Variants in CALU observed in about 807,000 individuals in gnomAD.
CALU encodes IEF SSP 9302.
A neutral mutation model predicts 37.5 loss-of-function variants in CALU; 13 were observed. That is an observed-to-expected ratio of 0.35 (90% CI 0.23 to 0.55). The LOEUF is 0.55. Ranked by LOEUF, CALU falls within the 20% of genes least tolerant of loss-of-function variation. CALU has a pLI of 0.89. For missense variants in CALU, 282 were observed against 391.7 expected, an observed-to-expected ratio of 0.72 and a Z score of 2.36; for synonymous variants, 114 against 133.8, an observed-to-expected ratio of 0.85 and a Z score of 1.02.
intron 1 of CALU, chr7:128,748,257 A>T: frequency 1.2e-6 from 1 of 804,656 alleles, no homozygotes; most frequent in Non-Finnish European, 1.9e-6. Flanking sequence ...AATTCTTATG[A>T]ACTTGGGCAA....
At chr7:128,756,344 A>C (rs1442206666) in intron 3 of CALU, among the ~76,000 whole-genome samples, 1 of 152,222 alleles carries the variant, frequency 6.6e-6, no homozygotes, top group African/African-American at 2.4e-5. Flanking sequence ...TTGCCTCACA[A>C]GGCAGATGAT....
intron 1 of CALU, among the ~76,000 whole-genome samples, chr7:128,740,540 C>T (rs1230958786): frequency 6.6e-6 from 1 of 150,956 alleles, no homozygotes; most frequent in Non-Finnish European, 1.5e-5. Context: ...CGACAGTAAT[C>T]ACTGAAGAAT....
intron 1 of CALU, among the ~76,000 whole-genome samples, chr7:128,742,109 T>C (rs1337743653): frequency 6.6e-6 from 1 of 152,222 alleles, no homozygotes; most frequent in African/African-American, 2.4e-5. Flanking sequence ...AATTATGTGT[T>C]GGTATCATGA....
At chr7:128,759,142 C>A in intron 4 of CALU, 105 bp downstream of exon 4, 3 of 775,158 alleles carry the variant, frequency 3.9e-6, no homozygotes, top group Non-Finnish European at 6.2e-6. Flanking sequence ...TATATATATG[C>A]TATATAGCAT....
chr7:128,772,632 A>C lies in CALU; in HGVS notation c.*3465A>C, dbSNP rs946529537. On this transcript the variant is annotated 3_prime_UTR_variant, in exon 7 of 7. Transcript: ENST00000249364. ...GATTCATCTGTCATGGCCTTCCCAC[A>C]CACCATCTTCATGATGCAAGCTTGG... The C allele has an allele frequency of 1.5e-5, 24 of 1,614,046 alleles. No individual in the cohort carries two copies. Among genetic ancestry groups the C allele is most frequent in the Non-Finnish European group, 1.9e-5 (23 of 1,180,020 alleles).
At position 128,773,239 on chromosome 7, in the gene CALU, T is replaced by C. The variant is rs1473948973; in HGVS notation, c.*4072T>C. Among the ~76,000 whole-genome samples the C allele has an allele frequency of 1.3e-5, 2 of 152,244 alleles. No homozygotes were observed. The highest frequency in any genetic ancestry group is 4.8e-5 in the African/African-American group (2 of 41,464). Reference sequence around the variant, plus strand: ...GGGAAATGATTAAGAAATTATTAAATGCAAGGACTGAAAATTGAGAGGAAT... The same window carrying C: ...GGGAAATGATTAAGAAATTATTAAACGCAAGGACTGAAAATTGAGAGGAAT... On this transcript the variant is annotated 3_prime_UTR_variant, in exon 7 of 7. Transcript: ENST00000249364.
At chr7:128,767,792 C>A in intron 6 of CALU, 137 bp downstream of exon 6, 2 of 694,354 alleles carry the variant, frequency 2.9e-6, no homozygotes, top group Admixed American at 2.4e-5. Context: ...CTGAATCTGG[C>A]GATTAAAACC....
chr7:128,747,272 T>C (rs574592493), intron 1 of CALU, among the ~76,000 whole-genome samples: 226 of 152,354 alleles, frequency 1.5e-3, no homozygotes, highest in Admixed American at 3.5e-3. Flanking sequence ...AGTTCTAACA[T>C]TGATAGGAAT....
intron 2 of CALU, 86 bp downstream of exon 2, chr7:128,748,890 G>A (rs1028575609): frequency 1.5e-5 from 13 of 877,156 alleles, no homozygotes; most frequent in Non-Finnish European, 2.2e-5. Flanking sequence ...TCAGTTATGA[G>A]TAAAGTTATA....
chr7:128,767,514 A>G lies in CALU; in HGVS notation c.702A>G (p.Arg234=), dbSNP rs1296572244. 28 of 1,614,060 alleles carry G rather than the reference A, an allele frequency of 1.7e-5. No homozygotes were observed. The highest frequency in any genetic ancestry group is 2.3e-5 in the Non-Finnish European group (27 of 1,180,006). Reference sequence around the variant, plus strand: ...AGCCAGAATGGGTAAAGACAGAGCGAGAGCAGTTTGTTGAGTTTCGGGATA... The same window carrying G: ...AGCCAGAATGGGTAAAGACAGAGCGGGAGCAGTTTGTTGAGTTTCGGGATA... ...TDEPEWVKTE[R]EQFVEFRDKN... Residue 234 remains arginine, a synonymous_variant, in exon 6 of 7, where the codon CGA becomes CGG. Transcript: ENST00000249364.
chr7:128,767,314 G>A, intron 5 of CALU, 142 bp from the exon 6 acceptor site: 1 of 671,076 alleles, frequency 1.5e-6, no homozygotes, highest in Admixed American at 2.2e-5. Context: ...TGCTTTCTAA[G>A]GTCTGTCTGG....
At chr7:128,746,105 A>G (rs969809959) in intron 1 of CALU, among the ~76,000 whole-genome samples, 1 of 150,298 alleles carries the variant, frequency 6.7e-6, no homozygotes, top group African/African-American at 2.4e-5. Flanking sequence ...TGTTCACTTG[A>G]CATATCTTGG....
chr7:128,750,220 CAAAAAAAAAAA>C lies in CALU; in HGVS notation c.221+1426_221+1436del, dbSNP rs398006225. 2.4e-4 allele frequency among the ~76,000 whole-genome samples: 18 copies of C among 75,072 alleles called. 1 individual carries two copies. In the East Asian group the frequency reaches 5.3e-3, roughly 22 times the overall value. The allele number at this position is 75,072 out of a possible 152,430, so 49.3% of individuals were successfully genotyped here. On this transcript the variant is annotated intron_variant, in intron 2 of 6. Transcript: ENST00000249364. ...TCCAGCCTGGGCAACAGAGCCATCT[CAAAAAAAAAAA>C]AAAAAAAAAGAAAATAGAAATGCAG...
At chr7:128,766,637 C>T (rs772176371) in intron 5 of CALU, among the ~76,000 whole-genome samples, 133 of 152,020 alleles carry the variant, frequency 8.7e-4, no homozygotes, top group Non-Finnish European at 3.8e-4. Context: ...CCATTTTGGC[C>T]AGGCTGGTCT....
Position 128,767,546 on chromosome 7 carries a change from G to A in CALU, c.734G>A (p.Arg245His), listed in dbSNP as rs753065513. The A allele has an allele frequency of 2.5e-5, 40 of 1,614,038 alleles. No homozygotes were observed. The South Asian group carries it at 4.0e-4, about 16-fold the overall frequency. Reference sequence around the variant, plus strand: ...TTTGTTGAGTTTCGGGATAAGAACCGTGATGGGAAGATGGACAAGGAAGAG... The same window carrying A: ...TTTGTTGAGTTTCGGGATAAGAACCATGATGGGAAGATGGACAAGGAAGAG... ...EQFVEFRDKNRDGKMDKEETK... is the reference protein window; with the variant it reads ...EQFVEFRDKNHDGKMDKEETK... Residue 245 changes from arginine (R) to histidine (H), a missense_variant, in exon 6 of 7, where the codon CGT becomes CAT. Coordinates refer to ENST00000249364, the MANE Select transcript of CALU (RefSeq NM_001219.5).
Position 128,773,348 on chromosome 7 carries a change from C to T in CALU, c.*4181C>T, listed in dbSNP as rs1187669065. ...TGTGCAGGTTTGTTACATAGGTAAACGTGTGCCATGGTGGTTTGCTGCACG... is the reference window on the plus strand; with the variant it reads ...TGTGCAGGTTTGTTACATAGGTAAATGTGTGCCATGGTGGTTTGCTGCACG... On this transcript the variant is annotated 3_prime_UTR_variant, in exon 7 of 7. Coordinates refer to ENST00000249364, the MANE Select transcript of CALU (RefSeq NM_001219.5). Among the ~76,000 whole-genome samples, 6 of 152,214 alleles carry T rather than the reference C, an allele frequency of 3.9e-5. No homozygotes were observed. Among genetic ancestry groups the T allele is most frequent in the Non-Finnish European group, 1.5e-5 (1 of 68,030 alleles).
chr7:128,757,038 T>G (rs1286544379), intron 3 of CALU, among the ~76,000 whole-genome samples: 1 of 151,940 alleles, frequency 6.6e-6, no homozygotes, highest in South Asian at 2.1e-4. Flanking sequence ...ATGATTGCAT[T>G]GCACTCCAGC....
rs745854592 is a variant in CALU, at chr7:128,759,046, G to A, written c.582+9G>A. ...AAGATATAGTAGTACAGGTGGGTGA[G>A]ATGAAGGATTCTGAACAGGGACTCA... is the stretch of plus-strand genomic sequence containing the variant. On this transcript the variant is annotated intron_variant, in intron 4 of 6. Transcript: ENST00000249364. 5 of 1,604,894 alleles carry A rather than the reference G, an allele frequency of 3.1e-6. No homozygotes were observed. The highest frequency in any genetic ancestry group is 1.7e-5 in the Admixed American group (1 of 58,552).
intron 2 of CALU, among the ~76,000 whole-genome samples, chr7:128,750,328 A>G (rs372960272): frequency 1.7e-4 from 26 of 151,832 alleles, no homozygotes; most frequent in African/African-American, 6.3e-4. Flanking sequence ...GTCTGCACAT[A>G]TTTTTTCACA....
Sources: gnomAD v4.1 joint callset for allele counts (sites outside exome capture counted in the v4.1 genomes callset) on GRCh38, gnomAD v4.1.1 for gene constraint, MANE v1.5 for transcripts, NCBI Gene and HGNC (gene_info 2026-07-23, HGNC 2026-07-21) for gene names.